Variants in STOX2 observed in about 807,000 individuals in gnomAD.
STOX2 encodes storkhead-box protein 2.
STOX2 carries 28 observed loss-of-function variants against 60.9 expected under a neutral mutation model. That is an observed-to-expected ratio of 0.46 (90% confidence interval 0.34 to 0.63). STOX2 has a LOEUF of 0.63. Ranked by LOEUF, STOX2 falls within the 30% of genes least tolerant of loss-of-function variation. STOX2 has a pLI of 0.01. For missense variants in STOX2, 1,024 were observed against 1,187.7 expected, an observed-to-expected ratio of 0.86 and a Z score of 2.03; for synonymous variants, 472 against 463.9, an observed-to-expected ratio of 1.02 and a Z score of -0.22.
At chr4:183,998,259 G>C (rs1371099548) in intron 1 of STOX2, among the ~76,000 whole-genome samples, 2 of 152,196 alleles carry the variant, frequency 1.3e-5, no homozygotes, top group Non-Finnish European at 2.9e-5. Context: ...CTCTTTGCCA[G>C]CTGATCCCAT....
At chr4:183,925,255 A>G (rs1054769462) in intron 1 of STOX2, among the ~76,000 whole-genome samples, 3 of 152,232 alleles carry the variant, frequency 2.0e-5, no homozygotes, top group Non-Finnish European at 4.4e-5. Flanking sequence ...TGGTTCTCTA[A>G]TGATGGTAGT....
intron 1 of STOX2, among the ~76,000 whole-genome samples, chr4:183,866,318 G>A (rs1006134981): frequency 2.0e-5 from 3 of 152,012 alleles, no homozygotes; most frequent in African/African-American, 2.4e-5. Context: ...TTTCTCTCCC[G>A]GTTTCTCTCA....
At chr4:184,002,975 C>T (rs55787315) in intron 2 of STOX2, among the ~76,000 whole-genome samples, 2,937 of 152,334 alleles carry the variant, frequency 0.019, 59 homozygotes, top group Non-Finnish European at 0.024. Flanking sequence ...TTTAAGATTT[C>T]TAGCATTTTA....
At chr4:183,966,339 A>AT (rs1169483782) in intron 1 of STOX2, among the ~76,000 whole-genome samples, 1 of 152,242 alleles carries the variant, frequency 6.6e-6, no homozygotes, top group Admixed American at 6.5e-5. Context: ...TGAATTTAGA[A>AT]TCTGCATTTG....
At chr4:183,964,795 GCTGGTCTCAAA>G (rs1415494729) in intron 1 of STOX2, among the ~76,000 whole-genome samples, 1 of 152,084 alleles carries the variant, frequency 6.6e-6, no homozygotes, top group Non-Finnish European at 1.5e-5. Context: ...TATTGGCCAG[GCTGGTCTCAAA>G]CTCCCGACCC....
At chr4:183,944,911 A>G (rs1014288196) in intron 1 of STOX2, among the ~76,000 whole-genome samples, 8 of 152,242 alleles carry the variant, frequency 5.3e-5, no homozygotes, top group African/African-American at 1.7e-4. Context: ...TCTAGGGCAC[A>G]TCAGCAAAAA....
chr4:183,917,216 G>A (rs1015141402), intron 1 of STOX2, among the ~76,000 whole-genome samples: 3 of 152,234 alleles, frequency 2.0e-5, no homozygotes, highest in African/African-American at 7.2e-5. Context: ...CCATATGCGT[G>A]GTTGATGCCC....
rs1049662687 is a variant in STOX2, at chr4:183,865,791, G to T, written c.364+67736G>T. ...AGAAGGCAAGAAAACCCTGGTTGTA[G>T]GTTGCATGGAGAAGTCTTGTGGAGA... On this transcript the variant is annotated intron_variant, in intron 1 of 2. Transcript: ENST00000513034. The surrounding 1 kb of genome is among the most constrained non-coding windows in gnomAD (Gnocchi z 4.1). 1.3e-5 allele frequency among the ~76,000 whole-genome samples: 2 copies of T among 152,206 alleles called. No individual in the cohort carries two copies. Among genetic ancestry groups the T allele is most frequent in the Admixed American group, 1.3e-4 (2 of 15,284 alleles).
At chr4:183,981,325 C>G (rs534764536) in intron 1 of STOX2, among the ~76,000 whole-genome samples, 10 of 152,122 alleles carry the variant, frequency 6.6e-5, no homozygotes, top group Admixed American at 3.3e-4. Flanking sequence ...AATTTCAGGG[C>G]GTCTTCACAG....
rs1438436878 is a variant in STOX2, at chr4:184,018,730, A to G, written c.*1446A>G. ...ACAAAGAAGACCCAGCAGCAAAGGG[A>G]TGACCAATAATTTCATCTTATAGCA... is the stretch of plus-strand genomic sequence containing the variant. On this transcript the variant is annotated 3_prime_UTR_variant, in exon 4 of 4. Coordinates refer to ENST00000308497, the MANE Select transcript of STOX2 (RefSeq NM_020225.3). The G allele has an allele frequency of 2.6e-5, 4 of 152,236 alleles. No individual in the cohort carries two copies. Among genetic ancestry groups the G allele is most frequent in the African/African-American group, 9.6e-5 (4 of 41,456 alleles). The allele number at this position is 152,236 out of a possible 1,614,324, so 9.4% of individuals were successfully genotyped here.
At chr4:184,002,391 A>G (rs1283064566) in intron 2 of STOX2, among the ~76,000 whole-genome samples, 1 of 152,240 alleles carries the variant, frequency 6.6e-6, no homozygotes, top group Non-Finnish European at 1.5e-5. Context: ...ATCTGAGTAA[A>G]TATAAGCTGT....
At chr4:183,936,542 C>T (rs1742597797) in intron 1 of STOX2, among the ~76,000 whole-genome samples, 1 of 151,580 alleles carries the variant, frequency 6.6e-6, no homozygotes, top group African/African-American at 2.4e-5. Flanking sequence ...ATATATTGAC[C>T]AAAGCACTGA....
At chr4:183,904,882 A>G (rs1371240946), upstream of STOX2, among the ~76,000 whole-genome samples, 4 of 152,208 alleles carry the variant, frequency 2.6e-5, no homozygotes, top group African/African-American at 4.8e-5. Context: ...TGTTTTTGCG[A>G]TATCAGCCTG....
At chr4:183,958,210 C>T (rs1025765022) in intron 1 of STOX2, among the ~76,000 whole-genome samples, 18 of 152,246 alleles carry the variant, frequency 1.2e-4, no homozygotes, top group African/African-American at 4.1e-4. Flanking sequence ...AACCCAAGAT[C>T]GTGAATGCTA....
chr4:183,802,014 G>A (rs559573082), intron 1 of STOX2, among the ~76,000 whole-genome samples: 8 of 152,314 alleles, frequency 5.3e-5, no homozygotes, highest in African/African-American at 9.6e-5. Context: ...GTTAGTACCC[G>A]AAGAAAGACA....
intron 1 of STOX2, among the ~76,000 whole-genome samples, chr4:183,924,758 A>G (rs527801276): frequency 2.6e-5 from 4 of 152,254 alleles, no homozygotes; most frequent in Middle Eastern, 3.4e-3. Flanking sequence ...TGACAGGGCC[A>G]GAATGTTGAG....
Position 183,819,308 on chromosome 4 carries a change from C to T in STOX2, c.364+21253C>T, listed in dbSNP as rs371135192. ...CTGCAATCCCGGCACCTCGGGAGGC[C>T]GAGGCTAGCAGATCACTCCCGGTTA... On this transcript the variant is annotated intron_variant, in intron 1 of 2. Transcript: ENST00000513034. 2.6e-4 allele frequency among the ~76,000 whole-genome samples: 40 copies of T among 152,012 alleles called. 1 individual carries two copies. In the East Asian group the frequency reaches 6.0e-3, roughly 23 times the overall value.
intron 1 of STOX2, among the ~76,000 whole-genome samples, chr4:183,908,290 G>A (rs1051674089): frequency 3.3e-5 from 5 of 152,220 alleles, no homozygotes; most frequent in Admixed American, 3.3e-4. Context: ...AGTCGCTGCT[G>A]TGGTTGCTAC....
In STOX2 at chr4:183,874,975, ATATATATATATATATAT is replaced by A. The variant is rs1560857863; in HGVS notation, c.364+76921_364+76937del. Among the ~76,000 whole-genome samples, 878 of 111,028 alleles carry A rather than the reference ATATATATATATATATAT, an allele frequency of 7.9e-3. 20 individuals are homozygous for A. The highest frequency in any genetic ancestry group is 0.027 in the African/African-American group (826 of 30,440). 72.8% of individuals were successfully genotyped at this position (111,028 alleles called of 152,430 possible). On this transcript the variant is annotated intron_variant, in intron 1 of 2. Transcript: ENST00000513034. ...AAAATATATATATATATATATATAT[ATATATATATATATATAT>A]AAAACTTAGAATTTTGCAGTGTGAA...
Sources: allele counts gnomAD v4.1 joint callset (sites outside exome capture counted in the v4.1 genomes callset), GRCh38; gene constraint gnomAD v4.1.1; non-coding constraint Gnocchi (gnomAD v3.1); transcripts MANE v1.5; gene names NCBI Gene and HGNC (gene_info 2026-07-23, HGNC 2026-07-21).